Variants in TTC21A observed in about 807,000 individuals in gnomAD.
The protein encoded by TTC21A is tetratricopeptide repeat domain 21A.
Under a neutral mutation model 156.4 loss-of-function variants are expected in TTC21A, and 128 were observed. The ratio of observed to expected loss-of-function variants is 0.82; its 90% CI spans 0.71 to 0.95. TTC21A has a LOEUF of 0.95. TTC21A is among the 40% of genes least tolerant of loss of function. The probability of loss-of-function intolerance (pLI) is 0.00; values close to 1 mark genes in which losing one functional copy is unlikely to be tolerated. For missense variants in TTC21A, 1,435 were observed against 1,602.3 expected (o/e 0.90, Z 1.78); for synonymous variants, 587 against 617.1 (o/e 0.95, Z 0.72).
chr3:39,115,413 C>A (rs552686166), intron 6 of TTC21A, among the ~76,000 whole-genome samples: 78 of 152,130 alleles, frequency 5.1e-4, no homozygotes, highest in African/African-American at 1.8e-3. Flanking sequence ...GTAATCCCAA[C>A]ACTTTGGGAG....
intron 4 of TTC21A, among the ~76,000 whole-genome samples, chr3:39,111,636 C>T (rs1298016447): frequency 6.6e-6 from 1 of 151,778 alleles, no homozygotes; most frequent in African/African-American, 2.4e-5. Context: ...TAGACATGGT[C>T]CCTGGGGGAG....
rs762653694 is a variant in TTC21A, at chr3:39,133,071, G to C, written c.2582G>C (p.Arg861Pro). 32 of 1,614,176 alleles carry C rather than the reference G, an allele frequency of 2.0e-5. No individual in the cohort carries two copies. The highest frequency in any genetic ancestry group is 2.7e-5 in the Non-Finnish European group (32 of 1,180,038). The change falls in exon 20 of 29, where the codon CGG becomes CCG. Residue 861 changes from arginine to proline, a missense_variant. By Grantham distance (103) the Arg-to-Pro change is moderately radical. Transcript: ENST00000683103. ...TLNKALDLQSRILKRVPLEQP... is the reference protein window; with the variant it reads ...TLNKALDLQSPILKRVPLEQP... ...CTCGAGGCCTTGGACCTCCAGTCTC[G>C]GATACTGAAGCGAGTTCCACTGGAG...
intron 8 of TTC21A, 50 bp downstream of exon 8, chr3:39,120,070 T>G (rs2037629377): frequency 7.4e-7 from 1 of 1,353,310 alleles, no homozygotes; most frequent in Non-Finnish European, 1.1e-6. Flanking sequence ...CCTGCTTTCC[T>G]TAGAGGAGAA....
intron 19 of TTC21A, among the ~76,000 whole-genome samples, chr3:39,131,865 C>T (rs1184261608): frequency 6.6e-6 from 1 of 152,306 alleles, no homozygotes; most frequent in Non-Finnish European, 1.5e-5. Context: ...ATGATCCAAT[C>T]ACCTCTCAAA....
At chr3:39,132,648 G>A in intron 19 of TTC21A, 1 of 224,338 alleles carries the variant, frequency 4.5e-6, no homozygotes, top group Non-Finnish European at 8.7e-6. Flanking sequence ...TTTGTGTGGT[G>A]AATATTTGTG....
At chr3:39,116,171 C>G (rs1246173326) in intron 6 of TTC21A, among the ~76,000 whole-genome samples, 5 of 152,258 alleles carry the variant, frequency 3.3e-5, no homozygotes, top group South Asian at 2.1e-4. Flanking sequence ...GTGGGGCCAA[C>G]AGATTGAATC....
chr3:39,114,756 C>T lies in TTC21A; in HGVS notation c.716+14C>T, dbSNP rs1308881921. On this transcript the variant is annotated intron_variant, in intron 6 of 28. Transcript: ENST00000683103. ...AATGGGACACAGGTGAGCTACTGCA[C>T]AAATGGGCAGCCAAGGGTGGTAACA... is the stretch of plus-strand genomic sequence containing the variant. 6.2e-7 allele frequency: 1 copy of T among 1,614,018 alleles called. No homozygotes were observed. Among genetic ancestry groups the T allele is most frequent in the Admixed American group, 1.7e-5 (1 of 60,008 alleles).
At chr3:39,116,234 A>G (rs774245245) in intron 6 of TTC21A, among the ~76,000 whole-genome samples, 3 of 152,268 alleles carry the variant, frequency 2.0e-5, no homozygotes, top group Non-Finnish European at 4.4e-5. Flanking sequence ...TGGGATTCAT[A>G]GAATTCCCTC....
rs767283789 is a variant in TTC21A at position 39,112,497 on chromosome 3, A to G, written c.475A>G (p.Lys159Glu). ...AGGCTGGGTGGACCTGACCTCAGACAAGCCCCACACTGCGAAGAAAGCCAT... is the reference window on the plus strand; with the variant it reads ...AGGCTGGGTGGACCTGACCTCAGACGAGCCCCACACTGCGAAGAAAGCCAT... Reference protein sequence around the residue: ...LRGWVDLTSDKPHTAKKAIEY... With the variant: ...LRGWVDLTSDEPHTAKKAIEY... Residue 159 changes from lysine to glutamate, a missense_variant, in exon 5 of 29, where the codon AAG becomes GAG. Transcript: ENST00000683103. The G allele has an allele frequency of 1.2e-6, 2 of 1,614,066 alleles. No individual in the cohort carries two copies. Among genetic ancestry groups the G allele is most frequent in the Non-Finnish European group, 1.7e-6 (2 of 1,180,044 alleles).
chr3:39,137,938 G>A, intron 26 of TTC21A: 1 of 622,226 alleles, frequency 1.6e-6, no homozygotes, highest in Non-Finnish European at 2.8e-6. Flanking sequence ...CCAGAGGAGG[G>A]AACACTAAAG....
At chr3:39,109,307 A>G in intron 2 of TTC21A, 93 bp downstream of exon 2, 2 of 1,406,976 alleles carry the variant, frequency 1.4e-6, no homozygotes, top group Admixed American at 2.0e-5. Flanking sequence ...TATCCTAGTT[A>G]TGGTCCCATA....
At chr3:39,127,112 C>A (rs1318054973) in intron 12 of TTC21A, among the ~76,000 whole-genome samples, 2 of 152,268 alleles carry the variant, frequency 1.3e-5, no homozygotes, top group Non-Finnish European at 2.9e-5. Context: ...AAGGCCCAGA[C>A]CCTGGAGAGA....
chr3:39,136,441 C>G lies in TTC21A; in HGVS notation c.3029C>G (p.Ala1010Gly). 6.2e-7 allele frequency: 1 copy of G among 1,614,206 alleles called. No homozygotes were observed. Among genetic ancestry groups the G allele is most frequent in the Non-Finnish European group, 8.5e-7 (1 of 1,180,024 alleles). ...GACATTCCTGCCTTCTTTGAATTGG[C>G]CAAGAAGGTGTCTAGCCGGGTGCCT... The part of the protein sequence containing the change: ...LEDIPAFFEL[A>G]KKVSSRVPLE... The change falls in exon 23 of 29, where the codon GCC becomes GGC. Residue 1010 changes from alanine (A) to glycine (G), a missense_variant. Ala to Gly is a moderately conservative substitution (Grantham distance 60). Coordinates refer to ENST00000683103, the MANE Select transcript of TTC21A (RefSeq NM_001366900.1).
At chr3:39,133,654 G>A (rs903360280) in intron 20 of TTC21A, among the ~76,000 whole-genome samples, 6 of 152,188 alleles carry the variant, frequency 3.9e-5, no homozygotes, top group Non-Finnish European at 8.8e-5. Context: ...CCAGATAAGG[G>A]AACCATAGTT....
chr3:39,128,003 T>G (rs1441785789), intron 12 of TTC21A, among the ~76,000 whole-genome samples: 1 of 152,210 alleles, frequency 6.6e-6, no homozygotes, highest in Non-Finnish European at 1.5e-5. Context: ...TTGTTTGCTC[T>G]TAGGTGTGGG....
In TTC21A at chr3:39,130,037, T is replaced by A. The variant is rs1480795406; in HGVS notation, c.2136-42T>A. ...GAGATGATTTCAGGAACATGAGGTG[T>A]GTGCGAACCTGGGATAAGCTTTTGG... On this transcript the variant is annotated intron_variant, in intron 15 of 28. Transcript: ENST00000683103. The surrounding 1 kb of genome is among the most constrained non-coding windows in gnomAD (Gnocchi z 4.5). 17 of 1,596,594 alleles carry A rather than the reference T, an allele frequency of 1.1e-5. No homozygotes were observed. The highest frequency in any genetic ancestry group is 1.4e-5 in the Non-Finnish European group (16 of 1,165,902).
chr3:39,125,332 GT>G lies in TTC21A; in HGVS notation c.1193del (p.Val398GlyfsTer2), dbSNP rs2038133009. 1.9e-6 allele frequency: 3 copies of G among 1,613,652 alleles called. No homozygotes were observed. Among genetic ancestry groups the G allele is most frequent in the Non-Finnish European group, 2.5e-6 (3 of 1,179,950 alleles). On this transcript the variant is annotated frameshift_variant and splice_region_variant, in exon 11 of 29. Coordinates refer to ENST00000683103, the MANE Select transcript of TTC21A (RefSeq NM_001366900.1). LOFTEE classifies it high-confidence loss of function. ...TGAGACTCGGTCCTCTCTTCCACAG[GT>G]GCTAATTTTCCTCCAAGCCCTCCTG... ...EVQKSLGKSE[V>X]LIFLQALLMS...
At chr3:39,124,742 GTATGCTCATGTGTACATA>G (rs2038078635) in intron 9 of TTC21A, among the ~76,000 whole-genome samples, 1 of 151,168 alleles carries the variant, frequency 6.6e-6, no homozygotes, top group South Asian at 2.1e-4. Context: ...AAACCCATTG[GTATGCTCATGTGTACATA>G]TATATGTCTG....
At chr3:39,115,918 T>C (rs1388127653) in intron 6 of TTC21A, among the ~76,000 whole-genome samples, 1 of 152,176 alleles carries the variant, frequency 6.6e-6, no homozygotes, top group African/African-American at 2.4e-5. Flanking sequence ...ACTTGAATCT[T>C]ATAGAGAGGT....
Sources: gnomAD v4.1 joint callset for allele counts (sites outside exome capture counted in the v4.1 genomes callset) on GRCh38, gnomAD v4.1.1 for gene constraint, Gnocchi (gnomAD v3.1) non-coding constraint, MANE v1.5 for transcripts, NCBI Gene and HGNC (gene_info 2026-07-23, HGNC 2026-07-21) for gene names.